The following LRRC1 variants were observed in gnomAD, a reference collection of about 807,000 sequenced individuals.
LRRC1 encodes leucine rich repeat containing 1.
Under a neutral mutation model 69.9 loss-of-function variants are expected in LRRC1, and 28 were observed. The ratio of observed to expected loss-of-function variants is 0.40; its 90% CI spans 0.30 to 0.55. LRRC1 has a LOEUF of 0.55. Among genes scored for constraint, LRRC1 ranks in the 20% least tolerant of loss-of-function variants. The probability of loss-of-function intolerance (pLI) is 0.47; values close to 1 mark genes in which losing one functional copy is unlikely to be tolerated. For synonymous variants in LRRC1, 236 were observed against 240.2 expected (o/e 0.98, Z 0.16); for missense variants, 498 against 609.0 (o/e 0.82, Z 1.92).
At chr6:53,868,672 C>G (rs1306031549) in intron 2 of LRRC1, among the ~76,000 whole-genome samples, 1 of 152,086 alleles carries the variant, frequency 6.6e-6, no homozygotes, top group Middle Eastern at 3.2e-3. Context: ...TGAGTATCAT[C>G]TTTTTTATAG....
Position 53,816,997 on chromosome 6 carries a change from A to G in LRRC1, c.159+21582A>G, listed in dbSNP as rs73430248. ...TTTTGAAAGAGATTTTTGACCCCCA[A>G]TTATGGACATGATATTGATGCCCTT... On this transcript the variant is annotated intron_variant, in intron 1 of 13. Transcript: ENST00000370888. Among the ~76,000 whole-genome samples, 552 of 152,356 alleles carry G rather than the reference A, an allele frequency of 3.6e-3. 4 individuals carry two copies. The highest frequency in any genetic ancestry group is 0.013 in the African/African-American group (535 of 41,584).
chr6:53,856,360 T>C (rs1766309079), intron 2 of LRRC1, among the ~76,000 whole-genome samples: 1 of 152,122 alleles, frequency 6.6e-6, no homozygotes, highest in Admixed American at 6.5e-5. Flanking sequence ...AGTCCATCCG[T>C]GATGACACAG....
chr6:53,799,158 A>G (rs1389503365), intron 1 of LRRC1, among the ~76,000 whole-genome samples: 1 of 152,244 alleles, frequency 6.6e-6, no homozygotes, highest in Non-Finnish European at 1.5e-5. Flanking sequence ...CCTCCTCTTA[A>G]GAGTTCAGTT....
intron 3 of LRRC1, among the ~76,000 whole-genome samples, chr6:53,880,046 T>C (rs1355633048): frequency 6.6e-6 from 1 of 152,248 alleles, no homozygotes; most frequent in Non-Finnish European, 1.5e-5. Flanking sequence ...GTCTTTTTTC[T>C]TTTGATCTAG....
At chr6:53,804,187 A>G (rs1444891488) in intron 1 of LRRC1, among the ~76,000 whole-genome samples, 2 of 152,224 alleles carry the variant, frequency 1.3e-5, no homozygotes, top group Non-Finnish European at 2.9e-5. Context: ...AAGAAAGAAT[A>G]GTCACTTGAT....
At chr6:53,859,780 G>A (rs1270262507) in intron 2 of LRRC1, among the ~76,000 whole-genome samples, 1 of 151,934 alleles carries the variant, frequency 6.6e-6, no homozygotes, top group Non-Finnish European at 1.5e-5. Context: ...ACTATATATT[G>A]CTTTATAATT....
rs531147510 is a variant in LRRC1 at position 53,876,779 on chromosome 6, C to G, written c.278-2214C>G. ...TCCCACGGTCTTGGACAGCTCTGCCCCTGTGACTTTGCAGGGTATAACCCC... is the reference window on the plus strand; with the variant it reads ...TCCCACGGTCTTGGACAGCTCTGCCGCTGTGACTTTGCAGGGTATAACCCC... On this transcript the variant is annotated intron_variant, in intron 2 of 13. Transcript: ENST00000370888. Among the ~76,000 whole-genome samples, 10 of 152,302 alleles carry G rather than the reference C, an allele frequency of 6.6e-5. No homozygotes were observed. The South Asian group carries it at 2.1e-3, about 32-fold the overall frequency.
intron 1 of LRRC1, among the ~76,000 whole-genome samples, chr6:53,813,647 AC>A (rs969866266): frequency 3.2e-4 from 48 of 150,274 alleles, no homozygotes; most frequent in African/African-American, 1.1e-3. Context: ...TGGAAAATGC[AC>A]TGTGAGCTGT....
chr6:53,879,646 C>A (rs1157443080), intron 3 of LRRC1, among the ~76,000 whole-genome samples: 4 of 152,090 alleles, frequency 2.6e-5, no homozygotes, highest in African/African-American at 7.2e-5. Context: ...AACAAAAAAA[C>A]CCAAAAAACC....
intron 2 of LRRC1, among the ~76,000 whole-genome samples, chr6:53,853,131 C>T (rs7749749): frequency 0.37 from 56,118 of 151,526 alleles, 10,806 homozygotes; most frequent in East Asian, 0.64. Flanking sequence ...TTTATAAAGG[C>T]ACTAATCCCA....
At chr6:53,828,361 G>A (rs925789437) in intron 1 of LRRC1, among the ~76,000 whole-genome samples, 13 of 152,208 alleles carry the variant, frequency 8.5e-5, no homozygotes, top group Admixed American at 4.6e-4. Flanking sequence ...CTGTCACAGG[G>A]CAGCACCCAT....
intron 3 of LRRC1, 22 bp from the exon 4 acceptor site, chr6:53,882,865 T>C (rs1467753439): frequency 3.4e-6 from 5 of 1,485,386 alleles, no homozygotes; most frequent in Non-Finnish European, 3.7e-6. Flanking sequence ...TTACAGCGTT[T>C]TGTTTGTTTG....
chr6:53,832,313 G>C (rs1252421406), intron 1 of LRRC1, among the ~76,000 whole-genome samples: 1 of 152,092 alleles, frequency 6.6e-6, no homozygotes, highest in Non-Finnish European at 1.5e-5. Context: ...TTTCCTGGAT[G>C]TCCTTTAGGA....
chr6:53,850,826 C>T (rs939994678), intron 2 of LRRC1, among the ~76,000 whole-genome samples: 2 of 152,136 alleles, frequency 1.3e-5, no homozygotes, highest in Non-Finnish European at 2.9e-5. Flanking sequence ...ATCCAGGCTT[C>T]TTTCTTCTTG....
chr6:53,883,173 A>AAAAGGG (rs1471064007), intron 4 of LRRC1, among the ~76,000 whole-genome samples, 197 bp downstream of exon 4: 2 of 152,232 alleles, frequency 1.3e-5, no homozygotes, highest in East Asian at 1.9e-4. Flanking sequence ...TTATTGGTTA[A>AAAAGGG]AAAGGGTACT....
At chr6:53,875,240 C>T (rs1230033080) in intron 2 of LRRC1, among the ~76,000 whole-genome samples, 1 of 152,054 alleles carries the variant, frequency 6.6e-6, no homozygotes, top group Middle Eastern at 3.2e-3. Flanking sequence ...ACATCAGGAA[C>T]TTTGAAACAA....
intron 1 of LRRC1, among the ~76,000 whole-genome samples, chr6:53,817,659 C>T (rs1764991686): frequency 6.6e-6 from 1 of 152,168 alleles, no homozygotes; most frequent in Non-Finnish European, 1.5e-5. Context: ...CTAGTAACCA[C>T]CATTTTACCC....
chr6:53,863,445 C>A (rs1478403867), intron 2 of LRRC1, among the ~76,000 whole-genome samples: 1 of 152,288 alleles, frequency 6.6e-6, no homozygotes, highest in South Asian at 2.1e-4. Context: ...CCAGGTCTTC[C>A]GCTCCCGGGC....
At chr6:53,805,459 T>C (rs1284987629) in intron 1 of LRRC1, among the ~76,000 whole-genome samples, 3 of 152,170 alleles carry the variant, frequency 2.0e-5, no homozygotes, top group African/African-American at 4.8e-5. Context: ...GATGTCTGCA[T>C]GGATCAGCAC....
Sources: gnomAD v4.1 joint callset for allele counts (sites outside exome capture counted in the v4.1 genomes callset) on GRCh38, gnomAD v4.1.1 for gene constraint, MANE v1.5 for transcripts, NCBI Gene and HGNC (gene_info 2026-07-23, HGNC 2026-07-21) for gene names.